SLC6A3: variants seen among roughly 807,000 people sequenced by gnomAD.
SLC6A3 encodes solute carrier family 6 member 3.
A neutral mutation model predicts 70.4 loss-of-function variants in SLC6A3; 19 were observed. The observed-to-expected ratio is 0.27, with a 90% CI of 0.19 to 0.40. The LOEUF (loss-of-function observed/expected upper bound fraction) is 0.40. SLC6A3 is among the 10% of genes least tolerant of loss of function. The probability of loss-of-function intolerance (pLI) is 1.00; values close to 1 mark genes in which losing one functional copy is unlikely to be tolerated. For synonymous variants in SLC6A3, 368 were observed against 356.6 expected (o/e 1.03, Z -0.36); for missense variants, 613 against 838.5 (o/e 0.73, Z 3.32).
rs561472094 is a variant in SLC6A3, at chr5:1,394,913, A to T, written c.1840-155T>A. Among the ~76,000 whole-genome samples the T allele has an allele frequency of 6.6e-6, 1 of 152,302 alleles. No homozygotes were observed. The highest frequency in any genetic ancestry group is 1.9e-4 in the East Asian group (1 of 5,172). On this transcript the variant is annotated intron_variant, in intron 14 of 14. Transcript: ENST00000270349. The surrounding 1 kb of genome is among the most constrained non-coding windows in gnomAD (Gnocchi z 4.7). ...AAGGGGAGGCTCACTGGGGGCCTGG[A>T]CCAACACACCCTTGACAGGTGCCGG...
Position 1,437,829 on chromosome 5 carries a change from C to A in SLC6A3, c.418+3530G>T, listed in dbSNP as rs1756874541. On this transcript the variant is annotated intron_variant, in intron 3 of 14. Coordinates refer to ENST00000270349, the MANE Select transcript of SLC6A3 (RefSeq NM_001044.5). This position sits in a 1 kb window ranked among gnomAD's most constrained non-coding sequence, Gnocchi z 4.8. ...CTCAGGGCTGGATGGCCTTTTAGCT[C>A]CACAATGATTGTTGTGGGCACTTTA... 6.6e-6 allele frequency among the ~76,000 whole-genome samples: 1 copy of A among 152,208 alleles called. No individual in the cohort carries two copies. The highest frequency in any genetic ancestry group is 2.1e-4 in the South Asian group (1 of 4,828).
At chr5:1,427,639 T>C (rs891937729) in intron 4 of SLC6A3, among the ~76,000 whole-genome samples, 4 of 152,336 alleles carry the variant, frequency 2.6e-5, no homozygotes, top group South Asian at 2.1e-4. Flanking sequence ...ATGACACATA[T>C]AGTTTAAAAA....
intron 4 of SLC6A3, among the ~76,000 whole-genome samples, chr5:1,423,207 G>C (rs1243960974): frequency 6.6e-5 from 3 of 45,152 alleles, no homozygotes; most frequent in African/African-American, 2.3e-4. Context: ...GCTGCCCATG[G>C]TGCTGGGTAC....
Position 1,394,673 on chromosome 5 carries a change from T to G in SLC6A3, c.*62A>C. On this transcript the variant is annotated 3_prime_UTR_variant, in exon 15 of 15. Transcript: ENST00000270349. The surrounding 1 kb of genome is among the most constrained non-coding windows in gnomAD (Gnocchi z 4.7). ...CCTTTCTCTCGAAACTTAGATTTCC[T>G]TGGTTTGTTCGTGTCTCTCCCATTG... 6.5e-7 allele frequency: 1 copy of G among 1,535,978 alleles called. No individual in the cohort carries two copies. Among genetic ancestry groups the G allele is most frequent in the Non-Finnish European group, 9.0e-7 (1 of 1,108,660 alleles).
In SLC6A3 at chr5:1,437,605, A is replaced by G. The variant is rs1379016052; in HGVS notation, c.418+3754T>C. Among the ~76,000 whole-genome samples, 1 of 152,240 alleles carries G rather than the reference A, an allele frequency of 6.6e-6. No homozygotes were observed. The highest frequency in any genetic ancestry group is 2.4e-5 in the African/African-American group (1 of 41,462). On this transcript the variant is annotated intron_variant, in intron 3 of 14. Coordinates refer to ENST00000270349, the MANE Select transcript of SLC6A3 (RefSeq NM_001044.5). This position sits in a 1 kb window ranked among gnomAD's most constrained non-coding sequence, Gnocchi z 4.8. ...GTGCCCATCCCAAGCTGCTCTGGTGAGACTACGGGAAATGCACGTGAGTCA... is the reference window on the plus strand; with the variant it reads ...GTGCCCATCCCAAGCTGCTCTGGTGGGACTACGGGAAATGCACGTGAGTCA...
chr5:1,416,122 T>C lies in SLC6A3; in HGVS notation c.1007A>G (p.Asn336Ser). The C allele has an allele frequency of 6.2e-7, 1 of 1,613,948 alleles. No individual in the cohort carries two copies. Among genetic ancestry groups the C allele is most frequent in the Non-Finnish European group, 8.5e-7 (1 of 1,179,948 alleles). The part of the protein sequence containing the change: ...FGVLIAFSSY[N>S]KFTNNCYRDA... ...CCTGTAGCAGTTGTTGGTGAACTTG[T>C]TGTAGCTGGAGAAGGCGATCAGCAC... Residue 336 changes from asparagine (N) to serine (S), a missense_variant, in exon 7 of 15, where the codon AAC (asparagine) becomes AGC (serine). Asn to Ser is a conservative substitution (Grantham distance 46). This residue lies in a region of SLC6A3 where 348 missense variants were observed against 481.2 expected (regional missense o/e 0.72). Coordinates refer to ENST00000270349, the MANE Select transcript of SLC6A3 (RefSeq NM_001044.5).
intron 14 of SLC6A3, among the ~76,000 whole-genome samples, chr5:1,395,394 C>T (rs1410264645): frequency 1.3e-5 from 2 of 152,230 alleles, no homozygotes; most frequent in Non-Finnish European, 2.9e-5. Context: ...CACTAAATGG[C>T]AAGAAGTGTG....
intron 3 of SLC6A3, among the ~76,000 whole-genome samples, chr5:1,435,493 C>G (rs1756808058): frequency 6.6e-6 from 1 of 152,250 alleles, no homozygotes; most frequent in Non-Finnish European, 1.5e-5. Context: ...CTTTTGTTTC[C>G]TGCCCTGCAC....
At position 1,416,214 on chromosome 5, in the gene SLC6A3, AG is replaced by A. The variant is rs1380977878; in HGVS notation, c.928-14del. 1 of 1,605,200 alleles carries A rather than the reference AG, an allele frequency of 6.2e-7. No homozygotes were observed. Among genetic ancestry groups the A allele is most frequent in the Admixed American group, 1.7e-5 (1 of 60,012 alleles). On this transcript the variant is annotated splice_polypyrimidine_tract_variant and intron_variant, in intron 6 of 14. Coordinates refer to ENST00000270349, the MANE Select transcript of SLC6A3 (RefSeq NM_001044.5). ...CGTCAATCCAAACCTGCAGAGCCAG[AG>A]GGCGGTGAGAGGCTGTCCCAGGAGA...
At chr5:1,398,420 G>A (rs376666434) in intron 14 of SLC6A3, among the ~76,000 whole-genome samples, 9 of 150,936 alleles carry the variant, frequency 6.0e-5, no homozygotes, top group East Asian at 1.9e-4. Flanking sequence ...AGAAATAAAC[G>A]GAATAATAAA....
At position 1,411,108 on chromosome 5, in the gene SLC6A3, G is replaced by C; in HGVS notation, c.1269+135C>G. The C allele has an allele frequency of 1.4e-6, 1 of 702,504 alleles. No homozygotes were observed. Among genetic ancestry groups the C allele is most frequent in the Non-Finnish European group, 2.6e-6 (1 of 387,276 alleles). The allele number at this position is 702,504 out of a possible 1,614,324, so 43.5% of individuals were successfully genotyped here. The stretch of plus-strand genomic sequence containing the variant: ...GGTCTCCCAAATAATCACGGGGCTC[G>C]CCCAAGTCAAGGACAGGAGGTCTGG... On this transcript the variant is annotated intron_variant, in intron 9 of 14. Coordinates refer to ENST00000270349, the MANE Select transcript of SLC6A3 (RefSeq NM_001044.5). The surrounding 1 kb of genome is among the most constrained non-coding windows in gnomAD (Gnocchi z 6.5).
rs1477374136 is a variant in SLC6A3 at position 1,394,830 on chromosome 5, G to A, written c.1840-72C>T. 6.4e-6 allele frequency: 10 copies of A among 1,555,514 alleles called. No homozygotes were observed. The African/African-American group carries it at 9.6e-5, about 15-fold the overall frequency. On this transcript the variant is annotated intron_variant, in intron 14 of 14. Coordinates refer to ENST00000270349, the MANE Select transcript of SLC6A3 (RefSeq NM_001044.5). This position sits in a 1 kb window ranked among gnomAD's most constrained non-coding sequence, Gnocchi z 4.7. ...TTTAAGAGCAGCTGAAGGTGGCTAAGAGCAGCTGAAGGCAGTGAGCAGACA... is the reference window on the plus strand; with the variant it reads ...TTTAAGAGCAGCTGAAGGTGGCTAAAAGCAGCTGAAGGCAGTGAGCAGACA...
At position 1,406,999 on chromosome 5, in the gene SLC6A3, C is replaced by T. The variant is rs1016216102; in HGVS notation, c.1499-711G>A. On this transcript the variant is annotated intron_variant, in intron 11 of 14. Transcript: ENST00000270349. This position sits in a 1 kb window ranked among gnomAD's most constrained non-coding sequence, Gnocchi z 8.8. The stretch of plus-strand genomic sequence containing the variant: ...TTTTGTTTTAAGGCCGAATCATATT[C>T]CGTCATGAGTATACCGTCACTGTGT... Among the ~76,000 whole-genome samples, 7 of 152,204 alleles carry T rather than the reference C, an allele frequency of 4.6e-5. No individual in the cohort carries two copies. The highest frequency in any genetic ancestry group is 1.7e-4 in the African/African-American group (7 of 41,440).
Position 1,443,210 on chromosome 5 carries a change from A to G in SLC6A3, c.-13T>C. 1 of 1,614,006 alleles carries G rather than the reference A, an allele frequency of 6.2e-7. No homozygotes were observed. The highest frequency in any genetic ancestry group is 8.5e-7 in the Non-Finnish European group (1 of 1,179,880). On this transcript the variant is annotated 5_prime_UTR_variant, in exon 2 of 15. Transcript: ENST00000270349. ...TGCTCTTACTCATGGGCACACTGGG[A>G]GTTGAGGAATTCTGTGCTTCTTCCC... is the stretch of plus-strand genomic sequence containing the variant.
chr5:1,412,480 A>T (rs1469128169), intron 8 of SLC6A3, among the ~76,000 whole-genome samples: 2 of 152,172 alleles, frequency 1.3e-5, no homozygotes, highest in Non-Finnish European at 2.9e-5. Flanking sequence ...GTGTTCCCCC[A>T]CAGCTCTCTC....
In SLC6A3 at chr5:1,406,585, C is replaced by T. The variant is rs949514072; in HGVS notation, c.1499-297G>A. On this transcript the variant is annotated intron_variant, in intron 11 of 14. Transcript: ENST00000270349. This position sits in a 1 kb window ranked among gnomAD's most constrained non-coding sequence, Gnocchi z 8.8. ...TCGGGTCCTCCTCCCCATCCCATGG[C>T]TCTCCCTGTCTCCCTCTGCTGCTGG... 2.0e-5 allele frequency among the ~76,000 whole-genome samples: 3 copies of T among 152,344 alleles called. No homozygotes were observed. Among genetic ancestry groups the T allele is most frequent in the Non-Finnish European group, 4.4e-5 (3 of 68,034 alleles).
rs1363696583 is a variant in SLC6A3, at chr5:1,406,448, C to T, written c.1499-160G>A. Among the ~76,000 whole-genome samples, 1 of 152,168 alleles carries T rather than the reference C, an allele frequency of 6.6e-6. No individual in the cohort carries two copies. Among genetic ancestry groups the T allele is most frequent in the Non-Finnish European group, 1.5e-5 (1 of 68,032 alleles). On this transcript the variant is annotated intron_variant, in intron 11 of 14. Transcript: ENST00000270349. The surrounding 1 kb of genome is among the most constrained non-coding windows in gnomAD (Gnocchi z 8.8). ...CAGAGGAGGCCAGGCCACACCCCAG[C>T]CCACTGGGTGCCTCGCTGACGGGTG... is the stretch of plus-strand genomic sequence containing the variant.
At position 1,396,546 on chromosome 5, in the gene SLC6A3, G is replaced by A. The variant is rs986526965; in HGVS notation, c.1840-1788C>T. On this transcript the variant is annotated intron_variant, in intron 14 of 14. Transcript: ENST00000270349. The surrounding 1 kb of genome is among the most constrained non-coding windows in gnomAD (Gnocchi z 7.0). ...AGGGAAACGGAGGTGGCTGCAGTTTGCAGGCCAGAGCGCCAGAGAGGAGGT... is the reference window on the plus strand; with the variant it reads ...AGGGAAACGGAGGTGGCTGCAGTTTACAGGCCAGAGCGCCAGAGAGGAGGT... 1.3e-5 allele frequency among the ~76,000 whole-genome samples: 2 copies of A among 152,252 alleles called. No homozygotes were observed. Among genetic ancestry groups the A allele is most frequent in the Non-Finnish European group, 2.9e-5 (2 of 68,040 alleles).
At position 1,411,488 on chromosome 5, in the gene SLC6A3, A is replaced by G. The variant is rs959357644; in HGVS notation, c.1157-133T>C. ...TAGGGCTGGTGCGGCTCTGCTGAAA[A>G]GCCCCCTTCTATATGTCCAGCAGAC... On this transcript the variant is annotated intron_variant, in intron 8 of 14. Coordinates refer to ENST00000270349, the MANE Select transcript of SLC6A3 (RefSeq NM_001044.5). The surrounding 1 kb of genome is among the most constrained non-coding windows in gnomAD (Gnocchi z 6.5). 3 of 730,884 alleles carry G rather than the reference A, an allele frequency of 4.1e-6. No individual in the cohort carries two copies. The highest frequency in any genetic ancestry group is 7.3e-6 in the Non-Finnish European group (3 of 410,314). 45.3% of individuals were successfully genotyped at this position (730,884 alleles called of 1,614,324 possible).
Sources: gnomAD v4.1 joint callset for allele counts (sites outside exome capture counted in the v4.1 genomes callset) on GRCh38, gnomAD v4.1.1 for gene constraint, gnomAD v4.1.1 regional missense constraint, Gnocchi (gnomAD v3.1) non-coding constraint, MANE v1.5 for transcripts, NCBI Gene and HGNC (gene_info 2026-07-23, HGNC 2026-07-21) for gene names.